SDK1: variants seen among roughly 807,000 people sequenced by gnomAD.
SDK1 encodes sidekick cell adhesion molecule 1.
SDK1 carries 157 observed loss-of-function variants against 245.5 expected under a neutral mutation model. The observed-to-expected ratio is 0.64, with a 90% CI of 0.56 to 0.73. The LOEUF (loss-of-function observed/expected upper bound fraction) is 0.73, where lower values mean the gene tolerates loss of function less well. SDK1 is among the 30% of genes least tolerant of loss of function. The pLI, the probability that SDK1 is intolerant of heterozygous loss-of-function variation, is 0.00. For synonymous variants in SDK1, 1,647 were observed against 1,278.5 expected, an observed-to-expected ratio of 1.29 and a Z score of -6.15; for missense variants, 3,583 against 3,002.3, an observed-to-expected ratio of 1.19 and a Z score of -4.52.
intron 4 of SDK1, among the ~76,000 whole-genome samples, chr7:3,795,161 C>T (rs2115028180): frequency 6.6e-6 from 1 of 152,182 alleles, no homozygotes; most frequent in Middle Eastern, 3.4e-3. Context: ...ATCTTTTAAC[C>T]ACATCAAGTT....
At chr7:4,159,691 G>C (rs764621186) in intron 31 of SDK1, among the ~76,000 whole-genome samples, 2 of 152,246 alleles carry the variant, frequency 1.3e-5, no homozygotes, top group Non-Finnish European at 2.9e-5. Flanking sequence ...AGCCCCAGGA[G>C]CTCACTGTCC....
At chr7:3,581,806 C>A (rs576180119) in intron 1 of SDK1, among the ~76,000 whole-genome samples, 1 of 152,346 alleles carries the variant, frequency 6.6e-6, no homozygotes, top group South Asian at 2.1e-4. Flanking sequence ...CCTCAGAATA[C>A]TATGCGGCCA....
intron 5 of SDK1, among the ~76,000 whole-genome samples, chr7:3,866,680 G>T (rs908548410): frequency 1.3e-5 from 2 of 152,196 alleles, no homozygotes; most frequent in African/African-American, 4.8e-5. Context: ...TAATTGAAAA[G>T]AGAGACTGAG....
intron 5 of SDK1, among the ~76,000 whole-genome samples, chr7:3,863,618 A>G (rs1238665187): frequency 6.6e-6 from 1 of 152,044 alleles, no homozygotes; most frequent in Non-Finnish European, 1.5e-5. Context: ...TCTCTCTATA[A>G]CTTTTGTTCT....
intron 5 of SDK1, among the ~76,000 whole-genome samples, chr7:3,906,535 G>A (rs1216857396): frequency 2.0e-5 from 3 of 150,380 alleles, no homozygotes; most frequent in African/African-American, 4.9e-5. Context: ...CTATTGTCCT[G>A]CTGGTTTCAA....
Position 3,901,387 on chromosome 7 carries a change from C to T in SDK1, c.848-49536C>T, listed in dbSNP as rs148774113. ...TTTTTTAATAGAGACGGGGTTTCACCGTGCTAGCCAGGATGGTCTCGATCT... is the reference window on the plus strand; with the variant it reads ...TTTTTTAATAGAGACGGGGTTTCACTGTGCTAGCCAGGATGGTCTCGATCT... On this transcript the variant is annotated intron_variant, in intron 5 of 44. Coordinates refer to ENST00000404826, the MANE Select transcript of SDK1 (RefSeq NM_152744.4). 2.0e-3 allele frequency among the ~76,000 whole-genome samples: 304 copies of T among 152,104 alleles called. 7 individuals are homozygous for T. In the East Asian group the frequency reaches 0.028, roughly 14 times the overall value.
rs567198795 is a variant in SDK1 at position 4,121,854 on chromosome 7, A to G, written c.3824-5527A>G. ...TATGGAAGGGTATTTTTTAGTTTCTAATTGAATGTGTGTTTAATTAGAAAC... is the reference window on the plus strand; with the variant it reads ...TATGGAAGGGTATTTTTTAGTTTCTGATTGAATGTGTGTTTAATTAGAAAC... On this transcript the variant is annotated intron_variant, in intron 25 of 44. Coordinates refer to ENST00000404826, the MANE Select transcript of SDK1 (RefSeq NM_152744.4). Among the ~76,000 whole-genome samples, 4 of 152,242 alleles carry G rather than the reference A, an allele frequency of 2.6e-5. 1 individual carries two copies. Among genetic ancestry groups the G allele is most frequent in the African/African-American group, 9.6e-5 (4 of 41,538 alleles).
At chr7:3,414,722 G>A (rs1193428240) in intron 1 of SDK1, among the ~76,000 whole-genome samples, 1 of 152,162 alleles carries the variant, frequency 6.6e-6, no homozygotes. Context: ...AAGCAACCCT[G>A]CGCTCACTAG....
intron 1 of SDK1, among the ~76,000 whole-genome samples, chr7:3,450,119 A>C (rs1316055506): frequency 6.6e-6 from 1 of 152,252 alleles, no homozygotes; most frequent in Non-Finnish European, 1.5e-5. Flanking sequence ...ACACTGAAGA[A>C]AAATGGAAAT....
chr7:3,411,334 G>A (rs574761214), intron 1 of SDK1, among the ~76,000 whole-genome samples: 3 of 152,332 alleles, frequency 2.0e-5, no homozygotes, highest in Admixed American at 2.0e-4. Context: ...TCACATTTTG[G>A]TGTTAACCAG....
At chr7:3,444,381 G>T (rs562617706) in intron 1 of SDK1, among the ~76,000 whole-genome samples, 21 of 152,054 alleles carry the variant, frequency 1.4e-4, no homozygotes, top group African/African-American at 4.6e-4. Flanking sequence ...TTTCTCTACC[G>T]TAGTCTCTTC....
intron 4 of SDK1, among the ~76,000 whole-genome samples, chr7:3,765,628 T>C (rs929789612): frequency 1.3e-5 from 2 of 152,236 alleles, no homozygotes. Context: ...CCAGACATAC[T>C]CATTATACGA....
At position 4,173,124 on chromosome 7, in the gene SDK1, G is replaced by A. The variant is rs143387437; in HGVS notation, c.4801-1098G>A. On this transcript the variant is annotated intron_variant, in intron 32 of 44. Transcript: ENST00000404826. ...GGTGCCTCACAGTGAGCCCGACACCGGAAGTTCTGTGCACATCCGTCCTCT... is the reference window on the plus strand; with the variant it reads ...GGTGCCTCACAGTGAGCCCGACACCAGAAGTTCTGTGCACATCCGTCCTCT... Among the ~76,000 whole-genome samples the A allele has an allele frequency of 3.0e-3, 464 of 152,360 alleles. 5 individuals carry two copies. Among genetic ancestry groups the A allele is most frequent in the African/African-American group, 0.011 (443 of 41,592 alleles).
At chr7:3,569,987 A>T (rs1054894784) in intron 1 of SDK1, among the ~76,000 whole-genome samples, 6 of 152,022 alleles carry the variant, frequency 3.9e-5, no homozygotes, top group African/African-American at 1.5e-4. Flanking sequence ...TAGGACCATT[A>T]TTTTCTCTTA....
At chr7:3,572,033 C>G (rs886619864) in intron 1 of SDK1, among the ~76,000 whole-genome samples, 1 of 151,970 alleles carries the variant, frequency 6.6e-6, no homozygotes, top group Non-Finnish European at 1.5e-5. Context: ...GATTACTTGG[C>G]TAACTATCAA....
At chr7:3,918,653 T>G (rs1248780147) in intron 5 of SDK1, among the ~76,000 whole-genome samples, 1 of 151,998 alleles carries the variant, frequency 6.6e-6, no homozygotes, top group African/African-American at 2.4e-5. Context: ...CCTGAAACCA[T>G]CCCCCCGACA....
chr7:3,602,809 G>C (rs1473668180), intron 1 of SDK1, among the ~76,000 whole-genome samples: 1 of 152,134 alleles, frequency 6.6e-6, no homozygotes, highest in African/African-American at 2.4e-5. Context: ...TATAGTTTTA[G>C]GTCTAACATT....
At chr7:3,989,679 T>C (rs561463732) in intron 14 of SDK1, among the ~76,000 whole-genome samples, 1 of 152,274 alleles carries the variant, frequency 6.6e-6, no homozygotes, top group South Asian at 2.1e-4. Context: ...GCTGCTCACT[T>C]TTCTGGGCAG....
At chr7:3,607,809 C>A (rs1411931839) in intron 1 of SDK1, among the ~76,000 whole-genome samples, 1 of 152,236 alleles carries the variant, frequency 6.6e-6, no homozygotes, top group Non-Finnish European at 1.5e-5. Context: ...TAGGAACTAA[C>A]ACGTAGATTG....
Sources: allele counts gnomAD v4.1 joint callset (sites outside exome capture counted in the v4.1 genomes callset), GRCh38; gene constraint gnomAD v4.1.1; transcripts MANE v1.5; gene names NCBI Gene and HGNC (gene_info 2026-07-23, HGNC 2026-07-21).